ARL15: variants seen among roughly 807,000 people sequenced by gnomAD.
ARL15 encodes the protein ARF like GTPase 15.
ARL15 carries 19 observed loss-of-function variants against 25.2 expected under a neutral mutation model. The observed-to-expected ratio is 0.75, with a 90% CI of 0.53 to 1.10. The LOEUF (loss-of-function observed/expected upper bound fraction) is 1.10. ARL15 is among the 50% of genes least tolerant of loss of function. The pLI is 0.00. For missense variants in ARL15, 220 were observed against 246.0 expected (o/e 0.89, Z 0.71); for synonymous variants, 94 against 86.8 (o/e 1.08, Z -0.46).
intron 1 of ARL15, among the ~76,000 whole-genome samples, chr5:54,276,021 G>A (rs1176542672): frequency 6.6e-6 from 1 of 152,020 alleles, no homozygotes; most frequent in East Asian, 1.9e-4. Context: ...CTCCTGAGTA[G>A]CTGAGACTAC....
chr5:53,943,259 T>A (rs1215616331), intron 4 of ARL15, among the ~76,000 whole-genome samples: 2 of 152,150 alleles, frequency 1.3e-5, no homozygotes, highest in African/African-American at 4.8e-5. Context: ...AAAATGTAAC[T>A]TCAGTAGGTG....
chr5:54,103,783 A>G (rs1752509866), intron 4 of ARL15, among the ~76,000 whole-genome samples: 1 of 152,222 alleles, frequency 6.6e-6, no homozygotes, highest in African/African-American at 2.4e-5. Flanking sequence ...TATTCATTGC[A>G]AAAGATGAAA....
chr5:54,159,703 G>C (rs1289366655), intron 2 of ARL15, among the ~76,000 whole-genome samples: 1 of 152,146 alleles, frequency 6.6e-6, no homozygotes, highest in Non-Finnish European at 1.5e-5. Context: ...AGCTACATTA[G>C]TAAGACTGAA....
intron 4 of ARL15, among the ~76,000 whole-genome samples, chr5:54,098,650 A>G (rs1241032737): frequency 6.6e-6 from 1 of 152,192 alleles, no homozygotes; most frequent in Admixed American, 6.6e-5. Context: ...AAAAACACAC[A>G]GGTCTGATTT....
intron 1 of ARL15, among the ~76,000 whole-genome samples, chr5:54,204,514 A>G (rs928650077): frequency 1.3e-5 from 2 of 152,160 alleles, no homozygotes; most frequent in African/African-American, 4.8e-5. Flanking sequence ...ATGAATCTCC[A>G]TTATCCCCTT....
At chr5:54,170,534 C>T (rs1754685911) in intron 2 of ARL15, among the ~76,000 whole-genome samples, 2 of 152,332 alleles carry the variant, frequency 1.3e-5, no homozygotes, top group South Asian at 4.1e-4. Flanking sequence ...ATTAAACATA[C>T]ACTGCAGCCA....
At chr5:54,210,935 G>T (rs1756020816) in intron 1 of ARL15, among the ~76,000 whole-genome samples, 1 of 152,078 alleles carries the variant, frequency 6.6e-6, no homozygotes, top group South Asian at 2.1e-4. Context: ...TACAGAGTCT[G>T]CAAAACCAGC....
At chr5:54,258,068 A>G (rs539004490) in intron 1 of ARL15, among the ~76,000 whole-genome samples, 162 of 151,838 alleles carry the variant, frequency 1.1e-3, no homozygotes, top group Admixed American at 1.7e-3. Context: ...GTGGCTCACG[A>G]CTGTAATCCC....
intron 4 of ARL15, among the ~76,000 whole-genome samples, chr5:53,982,387 C>T (rs1208106262): frequency 6.7e-6 from 1 of 148,278 alleles, no homozygotes; most frequent in Non-Finnish European, 1.5e-5. Flanking sequence ...TTCCTGTGTC[C>T]GTGTGTTCTC....
intron 4 of ARL15, among the ~76,000 whole-genome samples, chr5:53,985,077 C>CA (rs1368355215): frequency 1.3e-5 from 2 of 152,156 alleles, no homozygotes; most frequent in African/African-American, 2.4e-5. Flanking sequence ...ACTACATAGC[C>CA]AGATTCTAGC....
intron 4 of ARL15, among the ~76,000 whole-genome samples, chr5:53,977,183 C>T (rs1323473910): frequency 1.3e-5 from 2 of 152,000 alleles, no homozygotes; most frequent in East Asian, 1.9e-4. Context: ...TGGTGAAACC[C>T]CATCTCTACT....
intron 4 of ARL15, chr5:54,048,146 T>G (rs1750582911): frequency 6.6e-6 from 1 of 151,942 alleles, no homozygotes; most frequent in African/African-American, 2.4e-5. Flanking sequence ...GGCAACCTGG[T>G]GGTCGCCCCT....
intron 1 of ARL15, among the ~76,000 whole-genome samples, chr5:54,174,498 T>C (rs567109857): frequency 6.6e-6 from 1 of 152,248 alleles, no homozygotes; most frequent in Non-Finnish European, 1.5e-5. Context: ...ACCCATATTC[T>C]TCATGGGTTT....
chr5:54,230,165 T>C (rs1190143551), intron 1 of ARL15, among the ~76,000 whole-genome samples: 1 of 151,614 alleles, frequency 6.6e-6, no homozygotes, highest in Non-Finnish European at 1.5e-5. Context: ...GCCTGGCCAA[T>C]ATGAAATCCC....
chr5:53,934,769 T>C (rs1482962582), intron 4 of ARL15, among the ~76,000 whole-genome samples: 4 of 152,216 alleles, frequency 2.6e-5, no homozygotes, highest in African/African-American at 7.2e-5. Context: ...CAAATAAAAA[T>C]TAAGTGTTCA....
intron 4 of ARL15, among the ~76,000 whole-genome samples, chr5:53,976,679 A>C (rs1747936992): frequency 6.6e-6 from 1 of 152,218 alleles, no homozygotes; most frequent in African/African-American, 2.4e-5. Flanking sequence ...ATTTGAGAGA[A>C]GATGAGCTCA....
At chr5:53,924,402 T>C (rs1319670928) in intron 4 of ARL15, among the ~76,000 whole-genome samples, 1 of 152,228 alleles carries the variant, frequency 6.6e-6, no homozygotes, top group Non-Finnish European at 1.5e-5. Context: ...TAAAACTGTT[T>C]AGATAAATTG....
Position 54,070,450 on chromosome 5 carries a change from G to A in ARL15, c.462+42752C>T, listed in dbSNP as rs553448897. Among the ~76,000 whole-genome samples, 129 of 152,128 alleles carry A rather than the reference G, an allele frequency of 8.5e-4. 1 individual carries two copies. The highest frequency in any genetic ancestry group is 6.8e-3 in the Middle Eastern group (2 of 292). On this transcript the variant is annotated intron_variant, in intron 4 of 4. Coordinates refer to ENST00000504924, the MANE Select transcript of ARL15 (RefSeq NM_019087.3). ...GCCCCCTTGCCATGTGATGCCCTGG[G>A]TCACCTCGGGACTCTGTAAAGAGTC...
At chr5:53,898,625 T>C (rs1418322991) in intron 4 of ARL15, among the ~76,000 whole-genome samples, 1 of 151,694 alleles carries the variant, frequency 6.6e-6, no homozygotes, top group Non-Finnish European at 1.5e-5. Context: ...TTATATTTCT[T>C]TTTTTTTGGT....
Sources: allele counts gnomAD v4.1 joint callset (sites outside exome capture counted in the v4.1 genomes callset), GRCh38; gene constraint gnomAD v4.1.1; transcripts MANE v1.5; gene names NCBI Gene and HGNC (gene_info 2026-07-23, HGNC 2026-07-21).